Variants in FAM184A observed in about 807,000 individuals in gnomAD.
The protein encoded by FAM184A is protein FAM184A.
FAM184A carries 99 observed loss-of-function variants against 143.8 expected under a neutral mutation model. The ratio of observed to expected loss-of-function variants is 0.69; its 90% CI spans 0.58 to 0.81. FAM184A has a LOEUF of 0.81. FAM184A is among the 40% of genes least tolerant of loss of function. The pLI, the probability that FAM184A is intolerant of heterozygous loss-of-function variation, is 0.00. For synonymous variants in FAM184A, 427 were observed against 446.4 expected, an observed-to-expected ratio of 0.96 and a Z score of 0.55; for missense variants, 1,217 against 1,310.5, an observed-to-expected ratio of 0.93 and a Z score of 1.10.
At chr6:118,995,643 A>G (rs1420019644) in intron 9 of FAM184A, among the ~76,000 whole-genome samples, 1 of 152,212 alleles carries the variant, frequency 6.6e-6, no homozygotes, top group Non-Finnish European at 1.5e-5. Flanking sequence ...AATGACATGA[A>G]TTTCATTCAT....
chr6:119,096,757 A>T (rs1391912694), intron 1 of FAM184A, among the ~76,000 whole-genome samples: 1 of 151,952 alleles, frequency 6.6e-6, no homozygotes, highest in Non-Finnish European at 1.5e-5. Flanking sequence ...AGCACTCTGG[A>T]TAAATGCTTG....
At chr6:119,092,278 C>T (rs1258011451) in intron 1 of FAM184A, among the ~76,000 whole-genome samples, 1 of 152,116 alleles carries the variant, frequency 6.6e-6, no homozygotes, top group Non-Finnish European at 1.5e-5. Context: ...GCTGGGACTA[C>T]AGGTACACAC....
intron 4 of FAM184A, among the ~76,000 whole-genome samples, chr6:119,019,455 A>G (rs1001858336): frequency 1.4e-4 from 21 of 152,244 alleles, no homozygotes; most frequent in African/African-American, 5.1e-4. Flanking sequence ...TGAGGGAAAG[A>G]GAAAGAAAAG....
chr6:119,025,742 GA>G, intron 1 of FAM184A: 1 of 399,640 alleles, frequency 2.5e-6, no homozygotes, highest in Non-Finnish European at 4.9e-6. Flanking sequence ...TCTTCCCCCG[GA>G]AGCGAAAAGA....
intron 1 of FAM184A, among the ~76,000 whole-genome samples, chr6:119,087,392 C>T (rs946211089): frequency 1.4e-4 from 22 of 152,060 alleles, no homozygotes; most frequent in African/African-American, 4.6e-4. Context: ...AAACTCAACA[C>T]AAAAAGCAAA....
At chr6:119,143,475 G>C (rs1293967237) in intron 1 of FAM184A, among the ~76,000 whole-genome samples, 3 of 152,170 alleles carry the variant, frequency 2.0e-5, no homozygotes, top group African/African-American at 7.2e-5. Flanking sequence ...TGCTCAAAAA[G>C]AATCAAAATC....
At chr6:119,047,024 G>A (rs1017404122) in intron 1 of FAM184A, among the ~76,000 whole-genome samples, 13 of 147,580 alleles carry the variant, frequency 8.8e-5, no homozygotes, top group South Asian at 2.3e-4. Context: ...CTCAAAAAAC[G>A]CTACAGGAAA....
intron 1 of FAM184A, among the ~76,000 whole-genome samples, chr6:119,038,146 C>T (rs188780429): frequency 3.6e-3 from 541 of 152,154 alleles, no homozygotes; most frequent in Non-Finnish European, 6.5e-3. Context: ...CAGTTAAACC[C>T]CCAGCTGTCA....
At chr6:119,117,803 G>A (rs1789099859) in intron 1 of FAM184A, among the ~76,000 whole-genome samples, 1 of 152,154 alleles carries the variant, frequency 6.6e-6, no homozygotes, top group South Asian at 2.1e-4. Context: ...AGGATTTGTA[G>A]GACCTGAAAG....
At chr6:119,077,824 G>A (rs1001196856) in intron 1 of FAM184A, among the ~76,000 whole-genome samples, 1 of 152,250 alleles carries the variant, frequency 6.6e-6, no homozygotes, top group Non-Finnish European at 1.5e-5. Flanking sequence ...CAGATGCATG[G>A]AAGCAACAGT....
In FAM184A at chr6:118,961,874, TC is replaced by T; in HGVS notation, c.3227del (p.Gly1076AspfsTer38). The T allele has an allele frequency of 6.2e-7, 1 of 1,613,924 alleles. No individual in the cohort carries two copies. The highest frequency in any genetic ancestry group is 8.5e-7 in the Non-Finnish European group (1 of 1,179,870). On this transcript the variant is annotated frameshift_variant, in exon 17 of 18. Transcript: ENST00000338891. LOFTEE classifies it high-confidence loss of function. The stretch of plus-strand genomic sequence containing the variant: ...GAATGGGATCCAGGCGGTTAGGATG[TC>T]CATTGCCCACTCCACCAGATTCCAG... Reference protein sequence around the residue: ...SALESGGVGNGHPNRLDPIPN... With the variant: ...SALESGGVGNXHPNRLDPIPN...
chr6:119,140,589 C>T (rs776556952), intron 1 of FAM184A, among the ~76,000 whole-genome samples: 23 of 152,198 alleles, frequency 1.5e-4, no homozygotes, highest in Non-Finnish European at 3.1e-4. Context: ...TCATCTCATC[C>T]GCACCTTTCA....
chr6:119,078,024 G>A lies in FAM184A; in HGVS notation c.159+117C>T. The A allele has an allele frequency of 8.2e-7, 1 of 1,214,002 alleles. No homozygotes were observed. The highest frequency in any genetic ancestry group is 1.1e-6 in the Non-Finnish European group (1 of 894,828). The allele number at this position is 1,214,002 out of a possible 1,614,324, so 75.2% of individuals were successfully genotyped here. A position where few individuals can be genotyped will look rare whatever the true frequency, so the allele number is the denominator to read the frequency against. On this transcript the variant is annotated intron_variant, in intron 1 of 17. Transcript: ENST00000338891. The surrounding 1 kb of genome is among the most constrained non-coding windows in gnomAD (Gnocchi z 5.5). ...GGAGGTGTCTCCGGCTGTTGCTTCG[G>A]CGGAGGAGTAGAGTTCCCCTCGCTG...
intron 1 of FAM184A, among the ~76,000 whole-genome samples, chr6:119,057,228 CTCTT>C (rs1787014158): frequency 6.6e-6 from 1 of 152,154 alleles, no homozygotes; most frequent in Non-Finnish European, 1.5e-5. Context: ...AATTATGGTC[CTCTT>C]TCTTACTGTT....
At position 119,078,313 on chromosome 6, in the gene FAM184A, C is replaced by G; in HGVS notation, c.-14G>C. ...CGGGGTCGCCATCTTCCCAACAGACCCCAGCCGGGGCACCTGTCCCCGCGG... is the reference window on the plus strand; with the variant it reads ...CGGGGTCGCCATCTTCCCAACAGACGCCAGCCGGGGCACCTGTCCCCGCGG... On this transcript the variant is annotated 5_prime_UTR_variant, in exon 1 of 18. Coordinates refer to ENST00000338891, the MANE Select transcript of FAM184A (RefSeq NM_024581.6). This position sits in a 1 kb window ranked among gnomAD's most constrained non-coding sequence, Gnocchi z 5.5. 2 of 1,438,044 alleles carry G rather than the reference C, an allele frequency of 1.4e-6. No homozygotes were observed. Among genetic ancestry groups the G allele is most frequent in the Non-Finnish European group, 1.8e-6 (2 of 1,099,470 alleles). 89.1% of individuals were successfully genotyped at this position (1,438,044 alleles called of 1,614,324 possible). A position where few individuals can be genotyped will look rare whatever the true frequency, so the allele number is the denominator to read the frequency against.
At chr6:119,015,565 G>A (rs1203090072) in intron 5 of FAM184A, among the ~76,000 whole-genome samples, 1 of 152,364 alleles carries the variant, frequency 6.6e-6, no homozygotes, top group East Asian at 1.9e-4. Context: ...CTTCCCACGG[G>A]GCAGGCCTCG....
chr6:119,029,177 A>G (rs1350093621), intron 1 of FAM184A, among the ~76,000 whole-genome samples: 2 of 152,176 alleles, frequency 1.3e-5, no homozygotes, highest in African/African-American at 4.8e-5. Context: ...GGAAAAGAGA[A>G]TTCAACGAGG....
In FAM184A at chr6:119,011,444, A is replaced by G. The variant is rs1014126980; in HGVS notation, c.1531-13T>C. The G allele has an allele frequency of 2.1e-6, 3 of 1,452,298 alleles. No individual in the cohort carries two copies. The highest frequency in any genetic ancestry group is 2.9e-5 in the African/African-American group (2 of 68,964). The allele number at this position is 1,452,298 out of a possible 1,614,324, so 90.0% of individuals were successfully genotyped here. A position where few individuals can be genotyped will look rare whatever the true frequency, so the allele number is the denominator to read the frequency against. On this transcript the variant is annotated splice_polypyrimidine_tract_variant and intron_variant, in intron 5 of 17. Transcript: ENST00000338891. ...GTTCTTCCAAATCCTTAGAAAAAGAAATTTTTTAAAAATTAACAAAATTGC... is the reference window on the plus strand; with the variant it reads ...GTTCTTCCAAATCCTTAGAAAAAGAGATTTTTTAAAAATTAACAAAATTGC...
chr6:119,078,606 G>A lies in FAM184A; in HGVS notation c.-307C>T, dbSNP rs1787968674. 2 of 218,690 alleles carry A rather than the reference G, an allele frequency of 9.1e-6. No homozygotes were observed. Among genetic ancestry groups the A allele is most frequent in the African/African-American group, 2.3e-5 (1 of 43,566 alleles). The allele number at this position is 218,690 out of a possible 1,614,324, so 13.5% of individuals were successfully genotyped here. Reference sequence around the variant, plus strand: ...TCGGCCCGCGCCTGGCGGAGGCGTCGAGGACAGCGCAGCTCCGCGGGTCCC... The same window carrying A: ...TCGGCCCGCGCCTGGCGGAGGCGTCAAGGACAGCGCAGCTCCGCGGGTCCC... On this transcript the variant is annotated 5_prime_UTR_variant, in exon 1 of 18. Coordinates refer to ENST00000338891, the MANE Select transcript of FAM184A (RefSeq NM_024581.6). The surrounding 1 kb of genome is among the most constrained non-coding windows in gnomAD (Gnocchi z 5.5).
Sources: gnomAD v4.1 joint callset for allele counts (sites outside exome capture counted in the v4.1 genomes callset) on GRCh38, gnomAD v4.1.1 for gene constraint, Gnocchi (gnomAD v3.1) non-coding constraint, MANE v1.5 for transcripts, NCBI Gene and HGNC (gene_info 2026-07-23, HGNC 2026-07-21) for gene names.